Variants in RAPGEF4 observed in about 807,000 individuals in gnomAD.
The protein encoded by RAPGEF4 is Rap guanine nucleotide exchange factor 4.
Under a neutral mutation model 147.9 loss-of-function variants are expected in RAPGEF4, and 66 were observed. That is an observed-to-expected ratio of 0.45 (90% CI 0.37 to 0.55). RAPGEF4 has a LOEUF of 0.55. RAPGEF4 is among the 20% of genes least tolerant of loss of function. RAPGEF4 has a pLI of 0.00. For missense variants in RAPGEF4, 1,071 were observed against 1,257.3 expected (o/e 0.85, Z 2.24); for synonymous variants, 419 against 442.7 (o/e 0.95, Z 0.67).
chr2:172,835,035 G>A (rs1042374227), intron 4 of RAPGEF4, among the ~76,000 whole-genome samples: 3 of 152,182 alleles, frequency 2.0e-5, no homozygotes, highest in Non-Finnish European at 4.4e-5. Context: ...ACACCAGTAC[G>A]TTACAGAGTT....
chr2:172,795,245 C>T lies in RAPGEF4; in HGVS notation c.208+78C>T, dbSNP rs1027249974. The T allele has an allele frequency of 5.6e-5, 78 of 1,390,156 alleles. No homozygotes were observed. The African/African-American group carries it at 1.1e-3, about 19-fold the overall frequency. The allele number at this position is 1,390,156 out of a possible 1,614,324, so 86.1% of individuals were successfully genotyped here. On this transcript the variant is annotated intron_variant, in intron 2 of 30. Transcript: ENST00000397081. ...GTGGTTACTTTATGGAGATAAATAG[C>T]AAATGGAGTATTTATGTGCTAAATA...
chr2:173,006,940 T>C (rs979464034), intron 17 of RAPGEF4, among the ~76,000 whole-genome samples: 3 of 152,244 alleles, frequency 2.0e-5, no homozygotes, highest in African/African-American at 7.2e-5. Context: ...AATTTGAGTT[T>C]GTTTCCATGA....
intron 3 of RAPGEF4, among the ~76,000 whole-genome samples, chr2:172,800,458 G>C (rs1686861480): frequency 6.6e-6 from 1 of 152,138 alleles, no homozygotes; most frequent in Non-Finnish European, 1.5e-5. Flanking sequence ...ATGGGCTCTG[G>C]GTCTCTGCCC....
intron 3 of RAPGEF4, among the ~76,000 whole-genome samples, chr2:172,810,159 G>A (rs184634925): frequency 6.6e-6 from 1 of 152,162 alleles, no homozygotes; most frequent in African/African-American, 2.4e-5. Context: ...AGACTGACTA[G>A]TTTCTGATCT....
intron 4 of RAPGEF4, among the ~76,000 whole-genome samples, chr2:172,873,131 A>T (rs76246838): frequency 6.6e-6 from 1 of 152,338 alleles, no homozygotes; most frequent in East Asian, 1.9e-4. Context: ...ATTTTCTCAC[A>T]GTGAATACAA....
intron 23 of RAPGEF4, among the ~76,000 whole-genome samples, chr2:173,025,452 A>AT (rs1220668656): frequency 6.6e-6 from 1 of 152,010 alleles, no homozygotes; most frequent in Non-Finnish European, 1.5e-5. Flanking sequence ...ATTTTATTTT[A>AT]TTTTTTTGGA....
At chr2:172,961,265 T>C (rs1689263408) in intron 8 of RAPGEF4, 37 bp downstream of exon 8, 1 of 1,457,962 alleles carries the variant, frequency 6.9e-7, no homozygotes. Flanking sequence ...GCCCCGCTCA[T>C]ATTCATGTTT....
intron 4 of RAPGEF4, among the ~76,000 whole-genome samples, chr2:172,862,026 A>AT (rs1694107044): frequency 6.6e-6 from 1 of 152,244 alleles, no homozygotes; most frequent in Non-Finnish European, 1.5e-5. Context: ...CAATGGCCAA[A>AT]TGAGGTATTG....
At chr2:172,989,945 G>A (rs1433228616) in intron 14 of RAPGEF4, among the ~76,000 whole-genome samples, 1 of 148,676 alleles carries the variant, frequency 6.7e-6, no homozygotes, top group African/African-American at 2.5e-5. Flanking sequence ...TCCCTACATG[G>A]CCTTAAGCAT....
intron 6 of RAPGEF4, among the ~76,000 whole-genome samples, chr2:172,959,380 C>G (rs1046091906): frequency 6.6e-6 from 1 of 152,196 alleles, no homozygotes; most frequent in Non-Finnish European, 1.5e-5. Context: ...TTTAAGCCCC[C>G]TTGTGATTAC....
At chr2:173,032,851 A>G (rs1379311244) in intron 26 of RAPGEF4, among the ~76,000 whole-genome samples, 1 of 152,238 alleles carries the variant, frequency 6.6e-6, no homozygotes, top group African/African-American at 2.4e-5. Context: ...TGGTGAATCA[A>G]CTGTTGAAGG....
chr2:172,990,960 A>G (rs1214511353), intron 15 of RAPGEF4, 35 bp downstream of exon 15: 19 of 1,446,454 alleles, frequency 1.3e-5, no homozygotes, highest in Non-Finnish European at 1.8e-5. Flanking sequence ...TTGCCAGACT[A>G]TGATTAACCT....
intron 6 of RAPGEF4, among the ~76,000 whole-genome samples, chr2:172,932,309 T>C (rs942520612): frequency 1.3e-5 from 2 of 152,238 alleles, no homozygotes; most frequent in African/African-American, 2.4e-5. Context: ...ATTGTTGATA[T>C]TTGACTTTGC....
intron 6 of RAPGEF4, among the ~76,000 whole-genome samples, chr2:172,941,348 A>G (rs1687130445): frequency 6.6e-6 from 1 of 152,192 alleles, no homozygotes; most frequent in African/African-American, 2.4e-5. Context: ...TGGTGGCAAA[A>G]TAGTCCTTAA....
At chr2:172,832,335 G>T (rs954114247) in intron 4 of RAPGEF4, among the ~76,000 whole-genome samples, 1 of 152,116 alleles carries the variant, frequency 6.6e-6, no homozygotes, top group African/African-American at 2.4e-5. Flanking sequence ...TAGGGCATAT[G>T]TATACAAAGT....
intron 1 of RAPGEF4, among the ~76,000 whole-genome samples, chr2:172,768,020 C>T (rs1297761593): frequency 1.3e-5 from 2 of 152,038 alleles, no homozygotes; most frequent in African/African-American, 4.8e-5. Flanking sequence ...TCATGTTGGC[C>T]AGGCTGGTCT....
Position 173,018,678 on chromosome 2 carries a change from G to A in RAPGEF4, c.2031G>A (p.Met677Ile). Residue 677 changes from methionine to isoleucine, a missense_variant, in exon 22 of 31, where the codon ATG (methionine) becomes ATA (isoleucine). Transcript: ENST00000397081. Reference protein sequence around the residue: ...SDEVLFKVYCMDHTYTTIRVP... With the variant: ...SDEVLFKVYCIDHTYTTIRVP... ...TAGTTCTGTTTAAGGTCTATTGCAT[G>A]GACCACACCTACACAACCATTCGGG... The A allele has an allele frequency of 1.9e-6, 3 of 1,614,040 alleles. No homozygotes were observed. Among genetic ancestry groups the A allele is most frequent in the Non-Finnish European group, 2.5e-6 (3 of 1,179,998 alleles).
intron 17 of RAPGEF4, among the ~76,000 whole-genome samples, chr2:173,012,005 A>G (rs1416959849): frequency 1.3e-5 from 2 of 152,200 alleles, no homozygotes; most frequent in African/African-American, 4.8e-5. Flanking sequence ...GATTCAAAAT[A>G]TGCTCATGTT....
At chr2:173,003,057 C>T (rs1283574224) in intron 17 of RAPGEF4, among the ~76,000 whole-genome samples, 1 of 151,692 alleles carries the variant, frequency 6.6e-6, no homozygotes, top group African/African-American at 2.4e-5. Flanking sequence ...AAACAAAACT[C>T]AAGGGCGAGT....
Sources: gnomAD v4.1 joint callset for allele counts (sites outside exome capture counted in the v4.1 genomes callset) on GRCh38, gnomAD v4.1.1 for gene constraint, MANE v1.5 for transcripts, NCBI Gene and HGNC (gene_info 2026-07-23, HGNC 2026-07-21) for gene names.